Variants in ITCH observed in about 807,000 individuals in gnomAD.
ITCH encodes the protein itchy E3 ubiquitin protein ligase.
ITCH carries 28 observed loss-of-function variants against 126.8 expected under a neutral mutation model. That is an observed-to-expected ratio of 0.22 (90% CI 0.16 to 0.30). The LOEUF (loss-of-function observed/expected upper bound fraction) is 0.30. ITCH is among the 10% of genes least tolerant of loss of function. The pLI, the probability that ITCH is intolerant of heterozygous loss-of-function variation, is 1.00. For synonymous variants in ITCH, 342 were observed against 340.0 expected, an observed-to-expected ratio of 1.01 and a Z score of -0.06; for missense variants, 631 against 1,032.4, an observed-to-expected ratio of 0.61 and a Z score of 5.33.
intron 2 of ITCH, among the ~76,000 whole-genome samples, chr20:34,390,558 T>G (rs1164472214): frequency 1.4e-5 from 2 of 140,964 alleles, no homozygotes; most frequent in Non-Finnish European, 3.1e-5. Context: ...TCAACGATCC[T>G]CCCGCCTCAG....
At chr20:34,466,671 AG>A (rs1449399959) in intron 14 of ITCH, among the ~76,000 whole-genome samples, 1 of 152,208 alleles carries the variant, frequency 6.6e-6, no homozygotes, top group Admixed American at 6.5e-5. Flanking sequence ...ATAGTCCAGC[AG>A]GACTTACACC....
intron 22 of ITCH, among the ~76,000 whole-genome samples, chr20:34,490,849 T>C (rs781120755): frequency 1.3e-5 from 2 of 152,134 alleles, no homozygotes; most frequent in Non-Finnish European, 2.9e-5. Flanking sequence ...GCCCAAAAAA[T>C]TGAAAGCAGA....
chr20:34,440,821 G>C (rs1186254868), intron 9 of ITCH, among the ~76,000 whole-genome samples: 1 of 152,072 alleles, frequency 6.6e-6, no homozygotes, highest in East Asian at 1.9e-4. Context: ...CACCATATTT[G>C]AAATCTTCAG....
intron 14 of ITCH, 89 bp from the exon 15 acceptor site, chr20:34,469,959 G>A: frequency 1.0e-6 from 1 of 959,192 alleles, no homozygotes; most frequent in Non-Finnish European, 1.7e-6. Flanking sequence ...GTTAGTAAGT[G>A]CTGAGAGAGG....
At chr20:34,414,057 T>G (rs1979451437) in intron 6 of ITCH, among the ~76,000 whole-genome samples, 178 bp downstream of exon 6, 1 of 151,872 alleles carries the variant, frequency 6.6e-6, no homozygotes, top group South Asian at 2.1e-4. Flanking sequence ...GCAGAAAGAT[T>G]GCTTGAGCTT....
Position 34,456,212 on chromosome 20 carries a change from ATATTTTTTTTTTT to A in ITCH, c.1211-1176_1211-1164del, listed in dbSNP as rs1985973596. On this transcript the variant is annotated intron_variant, in intron 12 of 24. Transcript: ENST00000374864. ...TATATATATATATATATATATATAT[ATATTTTTTTTTTT>A]TTTTTTTTTTTTTTTTTGAGACAGG... 1.3e-4 allele frequency among the ~76,000 whole-genome samples: 3 copies of A among 23,812 alleles called. No homozygotes were observed. The South Asian group carries it at 7.1e-3, about 57-fold the overall frequency. 15.6% of individuals were successfully genotyped at this position (23,812 alleles called of 152,430 possible).
intron 6 of ITCH, among the ~76,000 whole-genome samples, chr20:34,418,757 C>CTTTTTTTTTTTTTTTTTTTTTCT (rs373974620): frequency 8.6e-6 from 1 of 116,536 alleles, no homozygotes; most frequent in Non-Finnish European, 1.7e-5. Context: ...TCTTTTTTTC[C>CTTTTTTTTTTTTTTTTTTTTTCT]TTTTTTTTTT....
chr20:34,432,451 AC>A (rs1982438053), intron 7 of ITCH, among the ~76,000 whole-genome samples: 1 of 152,206 alleles, frequency 6.6e-6, no homozygotes, highest in South Asian at 2.1e-4. Flanking sequence ...TGTACAAAAA[AC>A]ATATATATAG....
At chr20:34,432,382 T>G (rs1353688581) in intron 7 of ITCH, among the ~76,000 whole-genome samples, 1 of 152,184 alleles carries the variant, frequency 6.6e-6, no homozygotes, top group Non-Finnish European at 1.5e-5. Flanking sequence ...ATGCTCAGTA[T>G]TCTCAGGTTG....
At chr20:34,418,303 T>G (rs531967664) in intron 6 of ITCH, among the ~76,000 whole-genome samples, 1 of 152,248 alleles carries the variant, frequency 6.6e-6, no homozygotes, top group Non-Finnish European at 1.5e-5. Flanking sequence ...AACATAGTCT[T>G]GTAGAGATCT....
intron 18 of ITCH, among the ~76,000 whole-genome samples, 178 bp downstream of exon 18, chr20:34,479,967 T>C (rs2146466942): frequency 6.6e-6 from 1 of 152,236 alleles, no homozygotes; most frequent in Non-Finnish European, 1.5e-5. Flanking sequence ...GACACGATCT[T>C]GGCTCACTGC....
At chr20:34,383,149 C>T (rs907527476) in intron 2 of ITCH, among the ~76,000 whole-genome samples, 13 of 152,104 alleles carry the variant, frequency 8.5e-5, no homozygotes, top group Admixed American at 8.5e-4. Flanking sequence ...TCTGGCGATG[C>T]TCCTGTGTCA....
intron 7 of ITCH, among the ~76,000 whole-genome samples, chr20:34,432,208 G>A (rs1294727305): frequency 6.6e-6 from 1 of 152,072 alleles, no homozygotes; most frequent in Non-Finnish European, 1.5e-5. Flanking sequence ...GAGTAGATTC[G>A]ATGTTGACTT....
At chr20:34,377,245 A>G (rs2037881676) in intron 2 of ITCH, among the ~76,000 whole-genome samples, 1 of 151,772 alleles carries the variant, frequency 6.6e-6, no homozygotes, top group Non-Finnish European at 1.5e-5. Context: ...GTGGTGTTAC[A>G]CTCCTGTAGT....
Position 34,505,130 on chromosome 20 carries a change from G to A in ITCH, c.2489+727G>A, listed in dbSNP as rs111981493. Among the ~76,000 whole-genome samples, 522 of 151,942 alleles carry A rather than the reference G, an allele frequency of 3.4e-3. 2 individuals are homozygous for A. Among genetic ancestry groups the A allele is most frequent in the African/African-American group, 0.011 (446 of 41,418 alleles). The stretch of plus-strand genomic sequence containing the variant: ...TTGATCTCAGCTCACTGCAACCTCC[G>A]CCTCCCAGGTTCAAGCAATTCTCTT... On this transcript the variant is annotated intron_variant, in intron 24 of 24. Coordinates refer to ENST00000374864, the MANE Select transcript of ITCH (RefSeq NM_031483.7).
intron 2 of ITCH, among the ~76,000 whole-genome samples, chr20:34,378,289 G>A (rs1319096438): frequency 6.6e-6 from 1 of 151,724 alleles, no homozygotes; most frequent in East Asian, 1.9e-4. Context: ...TGGCCAACAT[G>A]GTGAAACCCC....
chr20:34,387,619 CAA>C (rs771355212), intron 2 of ITCH, among the ~76,000 whole-genome samples: 49 of 86,462 alleles, frequency 5.7e-4, no homozygotes, highest in Non-Finnish European at 5.6e-4. Flanking sequence ...GACCCTGTCT[CAA>C]AAAAAAAAAA....
chr20:34,480,896 C>T (rs531977730), intron 19 of ITCH, among the ~76,000 whole-genome samples, 164 bp downstream of exon 19: 81 of 152,250 alleles, frequency 5.3e-4, no homozygotes, highest in Admixed American at 8.5e-4. Flanking sequence ...TACAAAAATA[C>T]ACCCAAGATC....
intron 13 of ITCH, among the ~76,000 whole-genome samples, 164 bp downstream of exon 13, chr20:34,457,638 A>G (rs1024910654): frequency 3.3e-5 from 5 of 152,212 alleles, no homozygotes; most frequent in Non-Finnish European, 5.9e-5. Flanking sequence ...TCTAATGGAA[A>G]GTTTGAAGAT....
Sources: allele counts gnomAD v4.1 joint callset (sites outside exome capture counted in the v4.1 genomes callset), GRCh38; gene constraint gnomAD v4.1.1; transcripts MANE v1.5; gene names NCBI Gene and HGNC (gene_info 2026-07-23, HGNC 2026-07-21).